CABLES1: variants seen among roughly 807,000 people sequenced by gnomAD.
CABLES1 encodes CDK5 and ABL1 enzyme substrate 1.
A neutral mutation model predicts 57.8 loss-of-function variants in CABLES1; 36 were observed. The observed-to-expected ratio is 0.62, with a 90% CI of 0.48 to 0.82. The LOEUF (loss-of-function observed/expected upper bound fraction) is 0.82, where lower values mean the gene tolerates loss of function less well. Among genes scored for constraint, CABLES1 ranks in the 40% least tolerant of loss-of-function variants. The pLI is 0.00. For missense variants in CABLES1, 767 were observed against 836.6 expected (o/e 0.92, Z 1.03); for synonymous variants, 374 against 363.0 (o/e 1.03, Z -0.35).
chr18:23,166,163 A>G (rs1295415960), intron 1 of CABLES1, among the ~76,000 whole-genome samples: 1 of 152,046 alleles, frequency 6.6e-6, no homozygotes, highest in East Asian at 1.9e-4. Context: ...AACAGTATAC[A>G]TATATATGTA....
At chr18:23,245,611 G>A (rs1004744248) in intron 7 of CABLES1, among the ~76,000 whole-genome samples, 8 of 152,058 alleles carry the variant, frequency 5.3e-5, no homozygotes, top group African/African-American at 1.9e-4. Context: ...TGTTATCTCA[G>A]AAGGAATTTG....
intron 5 of CABLES1, among the ~76,000 whole-genome samples, chr18:23,235,167 G>C (rs903246368): frequency 1.4e-4 from 22 of 152,182 alleles, no homozygotes; most frequent in Admixed American, 1.2e-3. Flanking sequence ...CGAGTCGTGG[G>C]GTTGAAGTCT....
At chr18:23,177,692 A>G (rs952308949) in intron 1 of CABLES1, among the ~76,000 whole-genome samples, 2 of 151,602 alleles carry the variant, frequency 1.3e-5, no homozygotes, top group African/African-American at 4.9e-5. Flanking sequence ...GGGCTCTGGG[A>G]AGGTGCATGT....
rs1296224840 is a variant in CABLES1, at chr18:23,240,384, G to A, written c.1446+3139G>A. ...TACACACACACAGGCAGGAGGCAGA[G>A]CCCACAAATGATGATGCCGACAAAC... On this transcript the variant is annotated intron_variant, in intron 7 of 9. Coordinates refer to ENST00000256925, the MANE Select transcript of CABLES1 (RefSeq NM_001100619.3). 2.6e-5 allele frequency among the ~76,000 whole-genome samples: 4 copies of A among 152,176 alleles called. No homozygotes were observed. In the East Asian group the frequency reaches 5.8e-4, roughly 22 times the overall value.
intron 7 of CABLES1, among the ~76,000 whole-genome samples, chr18:23,249,368 G>C (rs750641677): frequency 1.6e-4 from 24 of 152,190 alleles, no homozygotes; most frequent in Non-Finnish European, 2.9e-5. Flanking sequence ...GGGGGTTTAG[G>C]AGGAGGAGCC....
intron 1 of CABLES1, among the ~76,000 whole-genome samples, chr18:23,164,923 C>T (rs1568049582): frequency 6.6e-6 from 1 of 152,020 alleles, no homozygotes; most frequent in Non-Finnish European, 1.5e-5. Context: ...AGGCTCATAC[C>T]ACCATGCCCA....
chr18:23,138,395 A>G (rs1043335239), intron 1 of CABLES1, among the ~76,000 whole-genome samples: 2 of 152,208 alleles, frequency 1.3e-5, no homozygotes, highest in African/African-American at 4.8e-5. Flanking sequence ...TCACTGGAAG[A>G]TGCTTCTTTA....
chr18:23,172,278 C>A (rs765261725), intron 1 of CABLES1, among the ~76,000 whole-genome samples: 3 of 152,170 alleles, frequency 2.0e-5, no homozygotes, highest in Non-Finnish European at 4.4e-5. Context: ...CTCCCTGTTC[C>A]TGTCGTTACC....
intron 3 of CABLES1, among the ~76,000 whole-genome samples, chr18:23,212,941 T>G (rs1193149953): frequency 6.6e-6 from 1 of 152,102 alleles, no homozygotes; most frequent in African/African-American, 2.4e-5. Context: ...GATAGGATTT[T>G]TTGTTAAGGT....
chr18:23,236,165 C>A, intron 6 of CABLES1, 114 bp downstream of exon 6: 1 of 1,172,234 alleles, frequency 8.5e-7, no homozygotes, highest in South Asian at 1.5e-5. Flanking sequence ...TCGCAGGTGA[C>A]ATGACTTTTA....
chr18:23,224,624 A>AGTAGTGCAAT (rs2047514288), intron 4 of CABLES1, among the ~76,000 whole-genome samples: 1 of 128,834 alleles, frequency 7.8e-6, no homozygotes, highest in Admixed American at 1.0e-4. Flanking sequence ...GCTGGAGTGC[A>AGTAGTGCAAT]CTGGCGGGGT....
intron 4 of CABLES1, among the ~76,000 whole-genome samples, chr18:23,226,633 C>A (rs905941659): frequency 6.6e-6 from 1 of 152,298 alleles, no homozygotes; most frequent in South Asian, 2.1e-4. Flanking sequence ...TGAGTTCCAA[C>A]TTGCCAGCCC....
chr18:23,144,051 G>T (rs886398762), intron 1 of CABLES1, among the ~76,000 whole-genome samples: 1 of 152,116 alleles, frequency 6.6e-6, no homozygotes, highest in Non-Finnish European at 1.5e-5. Context: ...GCACTCTCAG[G>T]CTTCTCCTGG....
intron 9 of CABLES1, among the ~76,000 whole-genome samples, chr18:23,256,626 G>A (rs906801510): frequency 2.0e-5 from 3 of 151,928 alleles, no homozygotes; most frequent in Admixed American, 6.6e-5. Context: ...GATTACAGGC[G>A]CCCACCGCCA....
chr18:23,205,907 T>C (rs1021259610), intron 3 of CABLES1, among the ~76,000 whole-genome samples: 1 of 152,068 alleles, frequency 6.6e-6, no homozygotes, highest in East Asian at 1.9e-4. Flanking sequence ...GGGAGAATGC[T>C]GTGTGAAGAT....
At chr18:23,191,028 G>A (rs1305222737) in intron 2 of CABLES1, among the ~76,000 whole-genome samples, 1 of 148,744 alleles carries the variant, frequency 6.7e-6, no homozygotes, top group Non-Finnish European at 1.5e-5. Flanking sequence ...GGGGTTGCTT[G>A]AGGTTAGGAG....
Position 23,213,959 on chromosome 18 carries a change from C to G in CABLES1, c.1011-18C>G, listed in dbSNP as rs757076696. Reference sequence around the variant, plus strand: ...GCATTTAGTGTGTTTGTTGTTTGTTCTTCTTTTTATTTTTTAGAATAGTCC... The same window carrying G: ...GCATTTAGTGTGTTTGTTGTTTGTTGTTCTTTTTATTTTTTAGAATAGTCC... On this transcript the variant is annotated intron_variant, in intron 3 of 9. Transcript: ENST00000256925. 2.0e-6 allele frequency: 3 copies of G among 1,525,658 alleles called. No homozygotes were observed. Among genetic ancestry groups the G allele is most frequent in the East Asian group, 2.3e-5 (1 of 44,198 alleles). The allele number at this position is 1,525,658 out of a possible 1,614,324, so 94.5% of individuals were successfully genotyped here. A position where few individuals can be genotyped will look rare whatever the true frequency, so the allele number is the denominator to read the frequency against.
intron 3 of CABLES1, among the ~76,000 whole-genome samples, chr18:23,212,390 G>A (rs953433467): frequency 6.6e-6 from 1 of 152,208 alleles, no homozygotes; most frequent in African/African-American, 2.4e-5. Flanking sequence ...AGAAGTGTTA[G>A]TAAGCTGACC....
intron 3 of CABLES1, among the ~76,000 whole-genome samples, chr18:23,213,650 C>T (rs1284154193): frequency 1.3e-5 from 2 of 152,232 alleles, no homozygotes; most frequent in African/African-American, 4.8e-5. Flanking sequence ...CAGCCCTGGC[C>T]ACCCTGGACT....
Sources: gnomAD v4.1 joint callset for allele counts (sites outside exome capture counted in the v4.1 genomes callset) on GRCh38, gnomAD v4.1.1 for gene constraint, MANE v1.5 for transcripts, NCBI Gene and HGNC (gene_info 2026-07-23, HGNC 2026-07-21) for gene names.